Variants in ASIC4 observed in about 807,000 individuals in gnomAD.
ASIC4 encodes acid-sensing ion channel 4.
A neutral mutation model predicts 53.4 loss-of-function variants in ASIC4; 28 were observed. That is an observed-to-expected ratio of 0.52 (90% confidence interval 0.39 to 0.72). ASIC4 has a LOEUF of 0.72. Among genes scored for constraint, ASIC4 ranks in the 30% least tolerant of loss-of-function variants. The probability of loss-of-function intolerance (pLI) is 0.00; values close to 1 mark genes in which losing one functional copy is unlikely to be tolerated. For missense variants in ASIC4, 649 were observed against 729.7 expected (o/e 0.89, Z 1.27); for synonymous variants, 289 against 301.4 (o/e 0.96, Z 0.43).
At chr2:219,509,930 C>A (rs1575230802), upstream of ASIC4, among the ~76,000 whole-genome samples, 2 of 152,280 alleles carry the variant, frequency 1.3e-5, no homozygotes, top group African/African-American at 4.8e-5. This position sits in a 1 kb window ranked among gnomAD's most constrained non-coding sequence, Gnocchi z 5.2. Context: ...GCCCCCACCC[C>A]CAAATCCGCC....
rs73087251 is a variant in ASIC4, at chr2:219,518,691, C to T, written c.582+3385C>T. 2.4e-4 allele frequency among the ~76,000 whole-genome samples: 37 copies of T among 152,168 alleles called. No individual in the cohort carries two copies. The highest frequency in any genetic ancestry group is 7.0e-4 in the African/African-American group (29 of 41,490). On this transcript the variant is annotated intron_variant, in intron 1 of 9. Transcript: ENST00000358078. This position sits in a 1 kb window ranked among gnomAD's most constrained non-coding sequence, Gnocchi z 4.8. ...AGCCCCAGTTCTACCTTCCCCACTGCGGCCTGCTCTCAGCCTGCCCTCTTA... is the reference window on the plus strand; with the variant it reads ...AGCCCCAGTTCTACCTTCCCCACTGTGGCCTGCTCTCAGCCTGCCCTCTTA...
chr2:219,528,045 G>A lies in ASIC4; in HGVS notation c.583-3713G>A, dbSNP rs371110573. ...GCTCATAACGTGGGTACCCCACGTC[G>A]CCCATGCCTTCTTTAGCCTTTCAAC... On this transcript the variant is annotated intron_variant, in intron 1 of 9. Transcript: ENST00000358078. Among the ~76,000 whole-genome samples, 7 of 152,244 alleles carry A rather than the reference G, an allele frequency of 4.6e-5. No individual in the cohort carries two copies. In the East Asian group the frequency reaches 9.6e-4, roughly 21 times the overall value.
chr2:219,524,941 T>C (rs1694940418), intron 1 of ASIC4, among the ~76,000 whole-genome samples: 1 of 152,368 alleles, frequency 6.6e-6, no homozygotes, highest in East Asian at 1.9e-4. Context: ...CTTGAGCACC[T>C]GCCAGGAATC....
chr2:219,523,283 G>T (rs538315329), intron 1 of ASIC4, among the ~76,000 whole-genome samples: 1 of 152,306 alleles, frequency 6.6e-6, no homozygotes, highest in Admixed American at 6.5e-5. Context: ...GAATGGTTTT[G>T]ACCGTTTACC....
At chr2:219,534,252 C>T (rs918895604) in intron 5 of ASIC4, among the ~76,000 whole-genome samples, 17 of 152,206 alleles carry the variant, frequency 1.1e-4, no homozygotes, top group Admixed American at 8.5e-4. Flanking sequence ...TTCTCTGTCC[C>T]CCACACCACC....
Position 219,514,650 on chromosome 2 carries a change from G to A in ASIC4, c.-75G>A, listed in dbSNP as rs1384683086. 5.6e-6 allele frequency: 9 copies of A among 1,612,750 alleles called. No individual in the cohort carries two copies. In the African/African-American group the frequency reaches 8.0e-5, roughly 14 times the overall value. On this transcript the variant is annotated 5_prime_UTR_variant, in exon 1 of 10. Coordinates refer to ENST00000358078, the MANE Select transcript of ASIC4 (RefSeq NM_018674.6). ...GCAGCCGCTGCCACCACTGCCACTC[G>A]GGAGGGCACCAGGGCTGCTGGCTAG...
rs565263283 is a variant in ASIC4, at chr2:219,517,688, G to A, written c.582+2382G>A. On this transcript the variant is annotated intron_variant, in intron 1 of 9. Coordinates refer to ENST00000358078, the MANE Select transcript of ASIC4 (RefSeq NM_018674.6). The surrounding 1 kb of genome is among the most constrained non-coding windows in gnomAD (Gnocchi z 4.2). ...AATGGGCATGGAGATGAAGATATGGGGTCTCCAAAAAGGACGTGAGGTCCA... is the reference window on the plus strand; with the variant it reads ...AATGGGCATGGAGATGAAGATATGGAGTCTCCAAAAAGGACGTGAGGTCCA... Among the ~76,000 whole-genome samples the A allele has an allele frequency of 6.6e-6, 1 of 152,100 alleles. No homozygotes were observed. The highest frequency in any genetic ancestry group is 2.4e-5 in the African/African-American group (1 of 41,390).
intron 1 of ASIC4, among the ~76,000 whole-genome samples, chr2:219,528,665 G>C (rs572979223): frequency 2.6e-5 from 4 of 152,070 alleles, no homozygotes; most frequent in Non-Finnish European, 1.5e-5. Flanking sequence ...TCAGCCTCCT[G>C]AGTAGCTGGG....
intron 1 of ASIC4, among the ~76,000 whole-genome samples, chr2:219,531,530 A>G (rs950005342): frequency 6.6e-6 from 1 of 152,062 alleles, no homozygotes; most frequent in Admixed American, 6.6e-5. Flanking sequence ...AGGGTTTGGG[A>G]AGGTGTTGAT....
rs749593257 is a variant in ASIC4, at chr2:219,532,983, A to G, written c.1075+44A>G. Reference sequence around the variant, plus strand: ...TTCCTACCTCTCCATCAGCCTCTTCATGTCTCTGTCCACTCTTCTCCTCAC... The same window carrying G: ...TTCCTACCTCTCCATCAGCCTCTTCGTGTCTCTGTCCACTCTTCTCCTCAC... On this transcript the variant is annotated intron_variant, in intron 5 of 9. Transcript: ENST00000358078. 8.9e-6 allele frequency: 14 copies of G among 1,574,998 alleles called. No homozygotes were observed. In the African/African-American group the frequency reaches 1.4e-4, roughly 15 times the overall value.
At position 219,537,739 on chromosome 2, in the gene ASIC4, G is replaced by A; in HGVS notation, c.1506+3G>A. Reference sequence around the variant, plus strand: ...GGCTTCAGGAGCTGAAGGAACAGGTGAGGACAAGCTCTAAATGCCTGCAGC... The same window carrying A: ...GGCTTCAGGAGCTGAAGGAACAGGTAAGGACAAGCTCTAAATGCCTGCAGC... On this transcript the variant is annotated splice_donor_region_variant and intron_variant, in intron 9 of 9. Transcript: ENST00000358078. The surrounding 1 kb of genome is among the most constrained non-coding windows in gnomAD (Gnocchi z 4.9). 6.2e-7 allele frequency: 1 copy of A among 1,612,408 alleles called. No individual in the cohort carries two copies. The highest frequency in any genetic ancestry group is 1.3e-5 in the African/African-American group (1 of 75,014).
At chr2:219,519,423 G>A (rs1337966393) in intron 1 of ASIC4, among the ~76,000 whole-genome samples, 2 of 152,138 alleles carry the variant, frequency 1.3e-5, no homozygotes, top group Non-Finnish European at 2.9e-5. Context: ...TCATCGCCCC[G>A]CTTTTGACCC....
intron 5 of ASIC4, 85 bp from the exon 6 acceptor site, chr2:219,535,086 G>A: frequency 6.5e-7 from 1 of 1,528,524 alleles, no homozygotes; most frequent in Non-Finnish European, 8.8e-7. Context: ...CCTCAGGACG[G>A]CCCCTGGGCC....
intron 1 of ASIC4, among the ~76,000 whole-genome samples, chr2:219,520,760 C>T (rs1246368878): frequency 6.6e-6 from 1 of 152,200 alleles, no homozygotes; most frequent in Non-Finnish European, 1.5e-5. Flanking sequence ...ACATCTGGTT[C>T]AGGGCTGATC....
intron 5 of ASIC4, 113 bp downstream of exon 5, chr2:219,533,052 C>T (rs1215634234): frequency 3.3e-6 from 4 of 1,225,180 alleles, no homozygotes; most frequent in Admixed American, 3.4e-5. Context: ...GAGGGTTCTT[C>T]CTGGGGGTTG....
At chr2:219,513,239 C>T (rs1264571056), upstream of ASIC4, among the ~76,000 whole-genome samples, 1 of 152,142 alleles carries the variant, frequency 6.6e-6, no homozygotes. Flanking sequence ...ATCAGCCCCC[C>T]TTTCCTCCCG....
intron 4 of ASIC4, 29 bp downstream of exon 4, chr2:219,532,506 C>A: frequency 6.3e-7 from 1 of 1,598,438 alleles, no homozygotes; most frequent in South Asian, 1.1e-5. Flanking sequence ...GCCAGCCCTC[C>A]ATGCCACCCT....
chr2:219,525,215 T>C (rs781112997), intron 1 of ASIC4, among the ~76,000 whole-genome samples: 4 of 152,218 alleles, frequency 2.6e-5, no homozygotes, highest in Non-Finnish European at 4.4e-5. Flanking sequence ...TTCATGCTGG[T>C]CTCTACAAAA....
chr2:219,514,926 A>G lies in ASIC4; in HGVS notation c.202A>G (p.Thr68Ala). Residue 68 changes from threonine to alanine, a missense_variant, in exon 1 of 10, where the codon ACC (threonine) becomes GCC (alanine). Transcript: ENST00000358078. ...CCCAGGCCCCCACGGACTGCGCAGA[A>G]CCCTGTGGGCACTGGCCCTACTCAC... ...CGPGPHGLRRTLWALALLTSL... is the reference protein window; with the variant it reads ...CGPGPHGLRRALWALALLTSL... The G allele has an allele frequency of 6.2e-7, 1 of 1,612,368 alleles. No individual in the cohort carries two copies. The highest frequency in any genetic ancestry group is 8.5e-7 in the Non-Finnish European group (1 of 1,179,732).
Sources: allele counts gnomAD v4.1 joint callset (sites outside exome capture counted in the v4.1 genomes callset), GRCh38; gene constraint gnomAD v4.1.1; non-coding constraint Gnocchi (gnomAD v3.1); transcripts MANE v1.5; gene names NCBI Gene and HGNC (gene_info 2026-07-23, HGNC 2026-07-21).